TF: variants seen among roughly 807,000 people sequenced by gnomAD.
TF encodes transferrin, also known as serotransferrin.
A neutral mutation model predicts 82.4 loss-of-function variants in TF; 55 were observed. The ratio of observed to expected loss-of-function variants is 0.67; its 90% CI spans 0.54 to 0.84. The LOEUF is 0.84. Among genes scored for constraint, TF ranks in the 40% least tolerant of loss-of-function variants. The pLI is 0.00. For synonymous variants in TF, 332 were observed against 332.6 expected, an observed-to-expected ratio of 1.00 and a Z score of 0.02; for missense variants, 737 against 868.4, an observed-to-expected ratio of 0.85 and a Z score of 1.90.
chr3:133,728,473 C>T, the TF span, among the ~76,000 whole-genome samples: 7 of 152,126 alleles, frequency 4.6e-5, no homozygotes, highest in East Asian at 3.8e-4. Context: ...GCATTCTTCA[C>T]GTAGTTCTTG....
In TF at chr3:133,783,926, G is replaced by C. The variant is rs1192529209; in HGVS notation, c.*5306G>C. 1 of 152,318 alleles carries C rather than the reference G, an allele frequency of 6.6e-6. No individual in the cohort carries two copies. Among genetic ancestry groups the C allele is most frequent in the Non-Finnish European group, 1.5e-5 (1 of 68,100 alleles). The allele number at this position is 152,318 out of a possible 1,614,324, so 9.4% of individuals were successfully genotyped here. ...CTGGACGCAGCGCCCCTGGGTGGCG[G>C]CAGGTATAGCAGGGCGGGAAGCAGG... On this transcript the variant is annotated 3_prime_UTR_variant, in exon 17 of 17. Coordinates refer to ENST00000402696, the MANE Select transcript of TF (RefSeq NM_001063.4).
the TF span, among the ~76,000 whole-genome samples, chr3:133,685,443 T>G: frequency 6.6e-6 from 1 of 152,108 alleles, no homozygotes; most frequent in Non-Finnish European, 1.5e-5. Context: ...GATTGTATAT[T>G]TAGAAAACCC....
At chr3:133,747,748 A>T (rs573792662) in intron 1 of TF, among the ~76,000 whole-genome samples, 1 of 152,346 alleles carries the variant, frequency 6.6e-6, no homozygotes, top group Admixed American at 6.5e-5. Flanking sequence ...CTTCCTAAAC[A>T]GAGAGCAACA....
At chr3:133,667,255 G>A in the TF span, among the ~76,000 whole-genome samples, 3 of 151,756 alleles carry the variant, frequency 2.0e-5, no homozygotes, top group Non-Finnish European at 4.4e-5. Flanking sequence ...GTACTGGGAG[G>A]CTGAGGTGGG....
the TF span, chr3:133,709,656 T>C: frequency 6.3e-6 from 1 of 157,668 alleles, no homozygotes; most frequent in African/African-American, 2.4e-5. Context: ...TCAAACCGGG[T>C]CCTGTAAATG....
At chr3:133,728,444 A>C in the TF span, among the ~76,000 whole-genome samples, 1 of 151,780 alleles carries the variant, frequency 6.6e-6, no homozygotes, top group Admixed American at 6.6e-5. Context: ...AGTTCATTGC[A>C]TCAGCTCCTG....
At chr3:133,736,631 C>CAAAAAAGAAAAGAAA in the TF span, among the ~76,000 whole-genome samples, 6 of 32,564 alleles carry the variant, frequency 1.8e-4, no homozygotes, top group African/African-American at 3.8e-4. Context: ...AATGGAAAGC[C>CAAAAAAGAAAAGAAA]AAAAAAAAAA....
rs772273259 is a variant in TF, at chr3:133,757,884, A to G, written c.986A>G (p.Asp329Gly). The G allele has an allele frequency of 6.2e-7, 1 of 1,614,240 alleles. No individual in the cohort carries two copies. The highest frequency in any genetic ancestry group is 8.5e-7 in the Non-Finnish European group (1 of 1,180,042). ...TTTTTAAAAGTCCCCCCCAGGATGG[A>G]TGCCAAGATGTACCTGGGCTATGAG... ...HGFLKVPPRM[D>G]AKMYLGYEYV... is the part of the protein sequence containing the mutation. Residue 329 changes from aspartate to glycine, a missense_variant, in exon 8 of 17, where the codon GAT becomes GGT. Coordinates refer to ENST00000402696, the MANE Select transcript of TF (RefSeq NM_001063.4).
At chr3:133,737,308 C>CT in the TF span, among the ~76,000 whole-genome samples, 1 of 152,032 alleles carries the variant, frequency 6.6e-6, no homozygotes, top group African/African-American at 2.4e-5. Context: ...TGGGACACAG[C>CT]TAAAGCAGGG....
At chr3:133,771,359 A>C (rs1320592665) in intron 14 of TF, among the ~76,000 whole-genome samples, 2 of 152,244 alleles carry the variant, frequency 1.3e-5, no homozygotes, top group Non-Finnish European at 2.9e-5. Flanking sequence ...TGAAGAAGGG[A>C]AAACTAATCA....
At chr3:133,753,233 T>A (rs1406188865) in intron 2 of TF, among the ~76,000 whole-genome samples, 1 of 152,196 alleles carries the variant, frequency 6.6e-6, no homozygotes, top group Non-Finnish European at 1.5e-5. Flanking sequence ...TGCATTGCAC[T>A]GGCTGTGCTC....
intron 14 of TF, chr3:133,774,819 A>G (rs1934344338): frequency 4.8e-6 from 1 of 209,600 alleles, no homozygotes; most frequent in South Asian, 6.7e-5. Context: ...ATATTTGCAA[A>G]GTGGCTCAGG....
At chr3:133,666,299 A>G in the TF span, among the ~76,000 whole-genome samples, 4 of 152,020 alleles carry the variant, frequency 2.6e-5, no homozygotes, top group South Asian at 8.3e-4. Context: ...CAGCCTCTTG[A>G]GTGGCTGGGA....
At chr3:133,706,130 C>A in the TF span, among the ~76,000 whole-genome samples, 2 of 152,122 alleles carry the variant, frequency 1.3e-5, no homozygotes, top group Non-Finnish European at 2.9e-5. Flanking sequence ...GGCTGGAAAC[C>A]CCAGGCCCTT....
At chr3:133,690,194 G>A in the TF span, among the ~76,000 whole-genome samples, 63 of 143,422 alleles carry the variant, frequency 4.4e-4, no homozygotes, top group Non-Finnish European at 7.2e-4. Context: ...AAAGCCCTAA[G>A]CATGCCAAAA....
the TF span, among the ~76,000 whole-genome samples, chr3:133,677,141 A>G: frequency 6.6e-6 from 1 of 152,180 alleles, no homozygotes; most frequent in Admixed American, 6.5e-5. Context: ...CTCCTTTCTC[A>G]GCTTCTTGCC....
In TF at chr3:133,792,388, G is replaced by A. The variant is rs1934862566; in HGVS notation, c.*13768G>A. 1 of 152,086 alleles carries A rather than the reference G, an allele frequency of 6.6e-6. No homozygotes were observed. The highest frequency in any genetic ancestry group is 2.4e-5 in the African/African-American group (1 of 41,416). The allele number at this position is 152,086 out of a possible 1,614,324, so 9.4% of individuals were successfully genotyped here. ...TTATGCAAGAAATATACAATTTAAC[G>A]GTGATTAGACCTCCTAAATGCTTCA... On this transcript the variant is annotated 3_prime_UTR_variant, in exon 17 of 17. Transcript: ENST00000402696.
chr3:133,754,152 T>C lies in TF; in HGVS notation c.326-343T>C, dbSNP rs8177216. On this transcript the variant is annotated intron_variant, in intron 3 of 16. Coordinates refer to ENST00000402696, the MANE Select transcript of TF (RefSeq NM_001063.4). ...CCTGTGCCAGGGGACATGAAATACT[T>C]TGATGGGCCTCTGTTACCACAGCTC... 512 of 419,110 alleles carry C rather than the reference T, an allele frequency of 1.2e-3. 3 individuals are homozygous for C. The highest frequency in any genetic ancestry group is 9.5e-3 in the African/African-American group (469 of 49,514). 26.0% of individuals were successfully genotyped at this position (419,110 alleles called of 1,614,324 possible). A position where few individuals can be genotyped will look rare whatever the true frequency, so the allele number is the denominator to read the frequency against.
intron 14 of TF, chr3:133,773,336 TA>T (rs1465816254): frequency 6.6e-6 from 1 of 152,156 alleles, no homozygotes; most frequent in Non-Finnish European, 1.5e-5. Flanking sequence ...CTAATTTTTG[TA>T]TTTTTAGTAG....
Sources: gnomAD v4.1 joint callset for allele counts (sites outside exome capture counted in the v4.1 genomes callset) on GRCh38, gnomAD v4.1.1 for gene constraint, MANE v1.5 for transcripts, NCBI Gene and HGNC (gene_info 2026-07-23, HGNC 2026-07-21) for gene names.